SPTAN1: variants seen among roughly 807,000 people sequenced by gnomAD.
SPTAN1 encodes spectrin alpha, non-erythrocytic 1.
Under a neutral mutation model 331.3 loss-of-function variants are expected in SPTAN1, and 61 were observed. The observed-to-expected ratio is 0.18, with a 90% confidence interval of 0.15 to 0.23. The LOEUF (loss-of-function observed/expected upper bound fraction) is 0.23. SPTAN1 is among the 10% of genes least tolerant of loss of function. The probability of loss-of-function intolerance (pLI) is 1.00; values close to 1 mark genes in which losing one functional copy is unlikely to be tolerated. For missense variants in SPTAN1, 2,043 were observed against 3,147.9 expected (o/e 0.65, Z 8.40); for synonymous variants, 1,153 against 1,173.9 (o/e 0.98, Z 0.36).
intron 22 of SPTAN1, among the ~76,000 whole-genome samples, chr9:128,592,272 G>C (rs1431512529): frequency 1.0e-5 from 1 of 97,794 alleles, no homozygotes; most frequent in Non-Finnish European, 2.1e-5. Context: ...GTTTTGGTTT[G>C]TGTTCTTTTT....
chr9:128,624,214 G>A lies in SPTAN1; in HGVS notation c.5833-114G>A, dbSNP rs1384294547. 13 of 1,235,966 alleles carry A rather than the reference G, an allele frequency of 1.1e-5. No individual in the cohort carries two copies. The Admixed American group carries it at 2.3e-4, about 22-fold the overall frequency. 76.6% of individuals were successfully genotyped at this position (1,235,966 alleles called of 1,614,324 possible). A position where few individuals can be genotyped will look rare whatever the true frequency, so the allele number is the denominator to read the frequency against. ...CCCTATCATTGTTTACCCAGCAGTGGACAGGGGAGCAAGTGGCCCATTTTA... is the reference window on the plus strand; with the variant it reads ...CCCTATCATTGTTTACCCAGCAGTGAACAGGGGAGCAAGTGGCCCATTTTA... On this transcript the variant is annotated intron_variant, in intron 45 of 56. Coordinates refer to ENST00000372739, the MANE Select transcript of SPTAN1 (RefSeq NM_001130438.3).
rs1014522130 is a variant in SPTAN1 at position 128,633,410 on chromosome 9, T to G, written c.*76T>G. 1 of 1,606,056 alleles carries G rather than the reference T, an allele frequency of 6.2e-7. No individual in the cohort carries two copies. The highest frequency in any genetic ancestry group is 8.5e-7 in the Non-Finnish European group (1 of 1,176,894). ...TGCATGTCCGCTCCTCTGTGTGCTC[T>G]CACTTTCCACTGTAACCTTAAGCCT... is the stretch of plus-strand genomic sequence containing the variant. On this transcript the variant is annotated 3_prime_UTR_variant, in exon 57 of 57. Transcript: ENST00000372739.
intron 2 of SPTAN1, among the ~76,000 whole-genome samples, chr9:128,567,332 C>T (rs1850151681): frequency 6.6e-6 from 1 of 152,158 alleles, no homozygotes; most frequent in Non-Finnish European, 1.5e-5. Context: ...GCTCATGTCG[C>T]CCAGGCTGGA....
In SPTAN1 at chr9:128,609,199, G is replaced by A. The variant is rs1554758291; in HGVS notation, c.4673G>A (p.Arg1558Gln). Residue 1558 changes from arginine (R) to glutamine (Q), a missense_variant, in exon 36 of 57, where the codon CGG (arginine) becomes CAG (glutamine). By Grantham distance (43) the Arg-to-Gln change is conservative. Coordinates refer to ENST00000372739, the MANE Select transcript of SPTAN1 (RefSeq NM_001130438.3). ...GESQTLQQFS[R>Q]DVDEIEAWIS... is the part of the protein sequence containing the mutation. Reference sequence around the variant, plus strand: ...TCTCAAACCCTCCAACAGTTCAGCCGGGATGTGGATGAGATTGAGGCTTGG... The same window carrying A: ...TCTCAAACCCTCCAACAGTTCAGCCAGGATGTGGATGAGATTGAGGCTTGG... The A allele has an allele frequency of 6.2e-7, 1 of 1,614,206 alleles. No individual in the cohort carries two copies. Among genetic ancestry groups the A allele is most frequent in the Non-Finnish European group, 8.5e-7 (1 of 1,180,034 alleles).
chr9:128,627,791 G>T lies in SPTAN1; in HGVS notation c.6690-134G>T. 8.8e-7 allele frequency: 1 copy of T among 1,141,432 alleles called. No homozygotes were observed. Among genetic ancestry groups the T allele is most frequent in the Non-Finnish European group, 1.3e-6 (1 of 751,352 alleles). 70.7% of individuals were successfully genotyped at this position (1,141,432 alleles called of 1,614,324 possible). Reference sequence around the variant, plus strand: ...CCATGACTTGGTGACAGACGATGCAGGGTCTGTGCGTTGGGTACTGATGTT... The same window carrying T: ...CCATGACTTGGTGACAGACGATGCATGGTCTGTGCGTTGGGTACTGATGTT... On this transcript the variant is annotated intron_variant, in intron 50 of 56. Coordinates refer to ENST00000372739, the MANE Select transcript of SPTAN1 (RefSeq NM_001130438.3). The surrounding 1 kb of genome is among the most constrained non-coding windows in gnomAD (Gnocchi z 4.9).
intron 41 of SPTAN1, among the ~76,000 whole-genome samples, 190 bp downstream of exon 41, chr9:128,616,030 G>A (rs767937125): frequency 5.9e-5 from 9 of 152,100 alleles, no homozygotes; most frequent in Non-Finnish European, 8.8e-5. Flanking sequence ...GGCGGTGGTG[G>A]TGATCCATGC....
intron 45 of SPTAN1, chr9:128,622,100 A>G: frequency 6.6e-6 from 1 of 152,422 alleles, no homozygotes; most frequent in Non-Finnish European, 1.5e-5. Flanking sequence ...ACTTCACTGG[A>G]GAGCTTTTCT....
At position 128,607,747 on chromosome 9, in the gene SPTAN1, G is replaced by T. The variant is rs1564279237; in HGVS notation, c.4146+44G>T. 2.5e-6 allele frequency: 4 copies of T among 1,612,082 alleles called. No homozygotes were observed. The African/African-American group carries it at 5.3e-5, about 22-fold the overall frequency. The stretch of plus-strand genomic sequence containing the variant: ...TGAGTAGCAAAGACGTGGCTGCTCT[G>T]CAGGGCCCTAGAGGCCTCATTCCCA... On this transcript the variant is annotated intron_variant, in intron 32 of 56. Coordinates refer to ENST00000372739, the MANE Select transcript of SPTAN1 (RefSeq NM_001130438.3).
Position 128,594,196 on chromosome 9 carries a change from G to C in SPTAN1, c.3237G>C (p.Leu1079=). The C allele has an allele frequency of 1.2e-6, 2 of 1,614,124 alleles. No homozygotes were observed. The highest frequency in any genetic ancestry group is 1.7e-6 in the Non-Finnish European group (2 of 1,180,014). Residue 1079 remains leucine (L), a synonymous_variant, in exon 24 of 57, where the codon CTG becomes CTC. Transcript: ENST00000372739. Reference sequence around the variant, plus strand: ...TCAGATATCATTCTCTGCTGGAACTGGGTGAGAAGCGTAAAGGCATGTTGG... The same window carrying C: ...TCAGATATCATTCTCTGCTGGAACTCGGTGAGAAGCGTAAAGGCATGTTGG... ...VEELYHSLLE[L]GEKRKGMLEK... is the part of the protein sequence containing the mutation.
At chr9:128,608,827 G>T (rs774056435) in intron 34 of SPTAN1, 47 bp from the exon 35 acceptor site, 1 of 1,588,380 alleles carries the variant, frequency 6.3e-7, no homozygotes, top group Non-Finnish European at 8.6e-7. Context: ...TCCAGGCAGG[G>T]CCCAGCCACA....
chr9:128,632,034 C>G, intron 52 of SPTAN1, 93 bp from the exon 53 acceptor site: 1 of 1,377,554 alleles, frequency 7.3e-7, no homozygotes, highest in South Asian at 1.2e-5. Context: ...CAGGCCAGGC[C>G]TGGAGCAGGA....
intron 1 of SPTAN1, among the ~76,000 whole-genome samples, chr9:128,561,554 T>A (rs1482398911): frequency 4.1e-5 from 6 of 146,650 alleles, no homozygotes; most frequent in Non-Finnish European, 7.4e-5. Flanking sequence ...TCCCAGCTAG[T>A]CGGGAGGCTG....
chr9:128,559,649 T>C (rs1849057150), intron 1 of SPTAN1, among the ~76,000 whole-genome samples: 2 of 152,198 alleles, frequency 1.3e-5, no homozygotes, highest in African/African-American at 4.8e-5. Context: ...TCTTAACTGT[T>C]TCCTGAGGGT....
At chr9:128,615,942 A>ACTGTGTGCCCAAG in intron 41 of SPTAN1, 102 bp downstream of exon 41, 1 of 1,287,378 alleles carries the variant, frequency 7.8e-7, no homozygotes, top group Non-Finnish European at 1.1e-6. Context: ...ACCCTGCTGG[A>ACTGTGTGCCCAAG]CTGGGATCCC....
intron 31 of SPTAN1, 58 bp downstream of exon 31, chr9:128,605,535 T>A: frequency 6.2e-7 from 1 of 1,600,146 alleles, no homozygotes; most frequent in African/African-American, 1.3e-5. Flanking sequence ...GTAGGGGTCA[T>A]TTTTATTGTG....
chr9:128,625,687 A>G lies in SPTAN1; in HGVS notation c.6070-82A>G. 1 of 1,355,078 alleles carries G rather than the reference A, an allele frequency of 7.4e-7. No homozygotes were observed. The highest frequency in any genetic ancestry group is 1.0e-6 in the Non-Finnish European group (1 of 953,486). The allele number at this position is 1,355,078 out of a possible 1,614,324, so 83.9% of individuals were successfully genotyped here. ...AGTTTGGCTTGGGCATCTGGGGGACATGCTGGTGCCATCTGAGCCTAGGAA... is the reference window on the plus strand; with the variant it reads ...AGTTTGGCTTGGGCATCTGGGGGACGTGCTGGTGCCATCTGAGCCTAGGAA... On this transcript the variant is annotated intron_variant, in intron 47 of 56. Transcript: ENST00000372739. The surrounding 1 kb of genome is among the most constrained non-coding windows in gnomAD (Gnocchi z 4.1).
intron 20 of SPTAN1, 152 bp from the exon 21 acceptor site, chr9:128,588,657 G>T: frequency 8.5e-7 from 1 of 1,172,166 alleles, no homozygotes; most frequent in Admixed American, 1.9e-5. Context: ...AAAGTTCTTG[G>T]ATCAGATTTT....
rs747529580 is a variant in SPTAN1, at chr9:128,587,661, G to C, written c.2834G>C (p.Ser945Thr). Residue 945 changes from serine to threonine, a missense_variant, in exon 20 of 57, where the codon AGC becomes ACC. Ser to Thr is a moderately conservative substitution (Grantham distance 58). Transcript: ENST00000372739. ...LMSDLSAYGS[S>T]IQALREQAQS... is the part of the protein sequence containing the mutation. ...TCAGATCTCAGTGCCTACGGCAGCA[G>C]CATCCAGGCTTTGCGAGAACAAGCA... 5.6e-6 allele frequency: 9 copies of C among 1,614,030 alleles called. No individual in the cohort carries two copies. In the South Asian group the frequency reaches 9.9e-5, roughly 18 times the overall value.
At chr9:128,619,028 C>T in intron 44 of SPTAN1, 25 bp downstream of exon 44, 1 of 1,613,002 alleles carries the variant, frequency 6.2e-7, no homozygotes, top group African/African-American at 1.3e-5. Flanking sequence ...AAAGGTGTCA[C>T]CTGCTTTCTC....
Sources: allele counts gnomAD v4.1 joint callset (sites outside exome capture counted in the v4.1 genomes callset), GRCh38; gene constraint gnomAD v4.1.1; non-coding constraint Gnocchi (gnomAD v3.1); transcripts MANE v1.5; gene names NCBI Gene and HGNC (gene_info 2026-07-23, HGNC 2026-07-21).